ADAM17: variants seen among roughly 807,000 people sequenced by gnomAD.
ADAM17 encodes ADAM metallopeptidase domain 17.
In ADAM17, 39 loss-of-function variants were observed where a neutral mutation model predicts 96.7. The observed-to-expected ratio is 0.40, with a 90% CI of 0.31 to 0.53. The LOEUF is 0.53. Among genes scored for constraint, ADAM17 ranks in the 20% least tolerant of loss-of-function variants. The pLI is 0.44. For synonymous variants in ADAM17, 344 were observed against 359.2 expected, an observed-to-expected ratio of 0.96 and a Z score of 0.48; for missense variants, 777 against 1,013.2, an observed-to-expected ratio of 0.77 and a Z score of 3.17.
chr2:9,505,062 C>T (rs1663302512), intron 12 of ADAM17, 104 bp downstream of exon 12: 8 of 1,256,022 alleles, frequency 6.4e-6, no homozygotes, highest in South Asian at 1.3e-5. Context: ...AACACACTCA[C>T]ACCCCTTTCA....
In ADAM17 at chr2:9,490,110, G is replaced by A; in HGVS notation, c.*67C>T. ...CCAGTCTTCACAAAATACAAGCTGT[G>A]ATTGATTTGTAGGTCAAATCTATAA... On this transcript the variant is annotated 3_prime_UTR_variant, in exon 19 of 19. Transcript: ENST00000310823. 1 of 1,361,040 alleles carries A rather than the reference G, an allele frequency of 7.3e-7. No homozygotes were observed. The highest frequency in any genetic ancestry group is 2.3e-5 in the East Asian group (1 of 42,684). 84.3% of individuals were successfully genotyped at this position (1,361,040 alleles called of 1,614,324 possible).
chr2:9,505,088 C>G (rs1413252192), intron 12 of ADAM17, 78 bp downstream of exon 12: 11 of 1,463,844 alleles, frequency 7.5e-6, no homozygotes, highest in Non-Finnish European at 1.0e-5. Flanking sequence ...TTCTAAAGCC[C>G]CTGCAAGTTC....
At position 9,494,723 on chromosome 2, in the gene ADAM17, G is replaced by A. The variant is rs771706819; in HGVS notation, c.1828C>T (p.Arg610Cys). ...TCAGCATCGACATAGGGCACACAGCGGCCAGAAAGGTCCCTGCAGCACACC... is the reference window on the plus strand; with the variant it reads ...TCAGCATCGACATAGGGCACACAGCAGCCAGAAAGGTCCCTGCAGCACACC... ...CKVCCRDLSG[R>C]CVPYVDAEQK... The change falls in exon 15 of 19, where the codon CGC becomes TGC. Residue 610 changes from arginine (R) to cysteine (C), a missense_variant. Around this residue, in one of 3 missense-constraint regions of ADAM17, gnomAD observed 446 missense variants for 664.7 expected, o/e 0.67. Coordinates refer to ENST00000310823, the MANE Select transcript of ADAM17 (RefSeq NM_003183.6). 1.4e-5 allele frequency: 22 copies of A among 1,613,902 alleles called. No individual in the cohort carries two copies. Among genetic ancestry groups the A allele is most frequent in the East Asian group, 4.5e-5 (2 of 44,882 alleles).
chr2:9,522,029 T>C (rs574530302), intron 7 of ADAM17: 1 of 159,916 alleles, frequency 6.3e-6, no homozygotes, highest in East Asian at 1.8e-4. Flanking sequence ...CCATCCTTCA[T>C]CAGATGTAAA....
Position 9,536,782 on chromosome 2 carries a change from T to C in ADAM17, c.277A>G (p.Asn93Asp), listed in dbSNP as rs1409099994. ...LTSSTERFSQNFKVVVVDGKN... is the reference protein window; with the variant it reads ...LTSSTERFSQDFKVVVVDGKN... ...CCATCCACCACCACGACCTTGAAAT[T>C]TTGTGAAAAACGTTCAGTACTTGAT... is the stretch of plus-strand genomic sequence containing the variant. Residue 93 changes from asparagine (N) to aspartate (D), a missense_variant, in exon 3 of 19, where the codon AAT (asparagine) becomes GAT (aspartate). Asn to Asp is a conservative substitution (Grantham distance 23). Coordinates refer to ENST00000310823, the MANE Select transcript of ADAM17 (RefSeq NM_003183.6). The C allele has an allele frequency of 6.2e-7, 1 of 1,613,976 alleles. No homozygotes were observed.
chr2:9,510,252 T>C, intron 10 of ADAM17, 121 bp from the exon 11 acceptor site: 1 of 1,112,664 alleles, frequency 9.0e-7, no homozygotes, highest in South Asian at 1.5e-5. Flanking sequence ...GAATAAGAAC[T>C]GCATGCTTAT....
intron 1 of ADAM17, among the ~76,000 whole-genome samples, chr2:9,550,903 C>CAAAAAAAAAAAAAAAAAAA (rs33972062): frequency 1.0e-5 from 1 of 97,868 alleles, no homozygotes. Context: ...ACTAAAAATA[C>CAAAAAAAAAAAAAAAAAAA]AAAAAAAAAA....
At chr2:9,502,980 G>C (rs1225984034) in intron 12 of ADAM17, among the ~76,000 whole-genome samples, 1 of 146,926 alleles carries the variant, frequency 6.8e-6, no homozygotes, top group African/African-American at 2.5e-5. Flanking sequence ...CTCTACTAAA[G>C]ATACAAAAAA....
chr2:9,536,903 T>C, intron 2 of ADAM17, 75 bp from the exon 3 acceptor site: 1 of 1,509,714 alleles, frequency 6.6e-7, no homozygotes, highest in African/African-American at 1.4e-5. Flanking sequence ...TTAAACTTTC[T>C]TAAAAAGCCA....
chr2:9,503,661 A>G (rs953729357), intron 12 of ADAM17, among the ~76,000 whole-genome samples: 1 of 152,054 alleles, frequency 6.6e-6, no homozygotes, highest in African/African-American at 2.4e-5. Flanking sequence ...CAACATGGTG[A>G]AACCCCATCT....
At position 9,549,807 on chromosome 2, in the gene ADAM17, C is replaced by T. The variant is rs554314482; in HGVS notation, c.97+5702G>A. On this transcript the variant is annotated intron_variant, in intron 1 of 18. Transcript: ENST00000310823. ...ATGCTGAGATGACAGTCGTGAGCCA[C>T]CGCGCCCAGCTTGTGGATTTTTTAC... Among the ~76,000 whole-genome samples the T allele has an allele frequency of 2.6e-5, 4 of 152,270 alleles. No homozygotes were observed. The South Asian group carries it at 6.2e-4, about 24-fold the overall frequency.
chr2:9,550,207 T>G (rs1323888841), intron 1 of ADAM17, among the ~76,000 whole-genome samples: 1 of 152,112 alleles, frequency 6.6e-6, no homozygotes, highest in African/African-American at 2.4e-5. Flanking sequence ...CCCCAGAGCC[T>G]GGGAACTAAA....
chr2:9,518,326 A>G (rs1191025278), intron 8 of ADAM17, 79 bp from the exon 9 acceptor site: 2 of 1,405,796 alleles, frequency 1.4e-6, no homozygotes, highest in Non-Finnish European at 1.9e-6. Flanking sequence ...GATGTAATCT[A>G]AATCAACTAA....
Position 9,490,340 on chromosome 2 carries a change from T to C in ADAM17, c.2312A>G (p.His771Arg). The C allele has an allele frequency of 1.9e-6, 3 of 1,614,148 alleles. No individual in the cohort carries two copies. The highest frequency in any genetic ancestry group is 2.2e-5 in the East Asian group (1 of 44,878). Reference sequence around the variant, plus strand: ...CTTCTCAAACCCATCCTCGTCCATATGTGAGTCTGTGCTGGGGTCTTCCTG... The same window carrying C: ...CTTCTCAAACCCATCCTCGTCCATACGTGAGTCTGTGCTGGGGTCTTCCTG... ...TIQEDPSTDSHMDEDGFEKDP... is the reference protein window; with the variant it reads ...TIQEDPSTDSRMDEDGFEKDP... Residue 771 changes from histidine (H) to arginine (R), a missense_variant, in exon 19 of 19, where the codon CAT becomes CGT. Around this residue, in one of 3 missense-constraint regions of ADAM17, gnomAD observed 197 missense variants for 219.4 expected, o/e 0.90. Transcript: ENST00000310823.
chr2:9,506,672 T>TA (rs1430334348), intron 11 of ADAM17: 2 of 152,446 alleles, frequency 1.3e-5, no homozygotes, highest in Non-Finnish European at 2.9e-5. Flanking sequence ...CCCAAATCTG[T>TA]CGTTACAGTA....
chr2:9,504,400 G>A (rs1357895947), intron 12 of ADAM17, among the ~76,000 whole-genome samples: 3 of 150,662 alleles, frequency 2.0e-5, no homozygotes, highest in Non-Finnish European at 3.0e-5. Flanking sequence ...CGCTGAGATC[G>A]CGCCACTGCA....
intron 2 of ADAM17, among the ~76,000 whole-genome samples, chr2:9,539,131 G>A (rs1298168919): frequency 1.4e-5 from 2 of 146,414 alleles, no homozygotes; most frequent in African/African-American, 5.1e-5. Context: ...TTTTTGAGAC[G>A]GAGTCTCACT....
At chr2:9,524,605 A>G (rs1203205311) in intron 6 of ADAM17, among the ~76,000 whole-genome samples, 1 of 152,184 alleles carries the variant, frequency 6.6e-6, no homozygotes, top group Non-Finnish European at 1.5e-5. Flanking sequence ...TCTTCACTCT[A>G]TCTCTTGGTG....
Position 9,527,928 on chromosome 2 carries a change from G to A in ADAM17, c.477C>T (p.Thr159=). ...IEPLWRFVND[T]KDKRMLVYKS... ...TATAAACTAACATTCTTTTGTCTTT[G>A]GTATCATTAACAAATCTCCAAAGTG... Residue 159 remains threonine, a synonymous_variant, in exon 5 of 19, where the codon ACC becomes ACT. Transcript: ENST00000310823. The A allele has an allele frequency of 6.4e-7, 1 of 1,567,544 alleles. No individual in the cohort carries two copies. The highest frequency in any genetic ancestry group is 8.6e-7 in the Non-Finnish European group (1 of 1,157,356).
Sources: allele counts gnomAD v4.1 joint callset (sites outside exome capture counted in the v4.1 genomes callset), GRCh38; gene constraint gnomAD v4.1.1; regional missense constraint gnomAD v4.1.1; transcripts MANE v1.5; gene names NCBI Gene and HGNC (gene_info 2026-07-23, HGNC 2026-07-21).